ZWILCH: variants seen among roughly 807,000 people sequenced by gnomAD.
The protein encoded by ZWILCH is zwilch kinetochore protein.
ZWILCH carries 74 observed loss-of-function variants against 79.9 expected under a neutral mutation model. The ratio of observed to expected loss-of-function variants is 0.93; its 90% confidence interval spans 0.77 to 1.12. The LOEUF is 1.12. ZWILCH is among the 50% of genes most tolerant of loss of function. The probability of loss-of-function intolerance (pLI) is 0.00; values close to 1 mark genes in which losing one functional copy is unlikely to be tolerated. For synonymous variants in ZWILCH, 241 were observed against 228.2 expected, an observed-to-expected ratio of 1.06 and a Z score of -0.51; for missense variants, 694 against 687.5, an observed-to-expected ratio of 1.01 and a Z score of -0.11.
chr15:66,519,049 G>A lies in ZWILCH; in HGVS notation c.491G>A (p.Gly164Glu). The A allele has an allele frequency of 6.2e-7, 1 of 1,614,196 alleles. No individual in the cohort carries two copies. Among genetic ancestry groups the A allele is most frequent in the Non-Finnish European group, 8.5e-7 (1 of 1,180,042 alleles). Residue 164 changes from glycine (G) to glutamate (E), a missense_variant, in exon 5 of 19, where the codon GGA becomes GAA. Gly to Glu is a moderately conservative substitution (Grantham distance 98). Coordinates refer to ENST00000307897, the MANE Select transcript of ZWILCH (RefSeq NM_017975.5). ...ELITTNNSIT[G>E]IVLYVVSCKA... ...ATCACAACAAACAACAGCATTACAGGAATTGTCTTATATGTGGTCAGTTGT... is the reference window on the plus strand; with the variant it reads ...ATCACAACAAACAACAGCATTACAGAAATTGTCTTATATGTGGTCAGTTGT...
chr15:66,527,717 C>A, intron 9 of ZWILCH, 140 bp from the exon 10 acceptor site: 1 of 736,850 alleles, frequency 1.4e-6, no homozygotes, highest in Non-Finnish European at 2.2e-6. Context: ...CTATTATAAT[C>A]TCCACCAGAG....
At chr15:66,524,451 A>C (rs1894606146) in intron 8 of ZWILCH, 1 of 152,150 alleles carries the variant, frequency 6.6e-6, no homozygotes, top group Non-Finnish European at 1.5e-5. Flanking sequence ...AACCCTCATC[A>C]TACCAAGCTC....
At position 66,546,500 on chromosome 15, in the gene ZWILCH, T is replaced by G. The variant is rs978472103; in HGVS notation, c.1688-91T>G. The G allele has an allele frequency of 4.3e-5, 30 of 696,312 alleles. 1 individual carries two copies. The South Asian group carries it at 8.2e-4, about 19-fold the overall frequency. 43.1% of individuals were successfully genotyped at this position (696,312 alleles called of 1,614,324 possible). A position where few individuals can be genotyped will look rare whatever the true frequency, so the allele number is the denominator to read the frequency against. On this transcript the variant is annotated intron_variant, in intron 17 of 18. Transcript: ENST00000307897. ...ACACATTGCCATTTAGACCACCTCT[T>G]AGTTATTGTATTGGTGTAAAATTCA...
intron 3 of ZWILCH, 80 bp from the exon 4 acceptor site, chr15:66,515,446 T>A: frequency 1.2e-6 from 1 of 865,870 alleles, no homozygotes. Context: ...TACTTGTCAT[T>A]ATTCTGTAGC....
intron 8 of ZWILCH, among the ~76,000 whole-genome samples, chr15:66,525,491 C>T (rs775780736): frequency 1.7e-4 from 26 of 152,222 alleles, no homozygotes; most frequent in Middle Eastern, 6.8e-3. Context: ...CATACATATA[C>T]AATTCTTTTC....
At chr15:66,517,430 G>GTGTGTGTGTGTGTATATATATATA in intron 4 of ZWILCH, among the ~76,000 whole-genome samples, 4 of 66,518 alleles carry the variant, frequency 6.0e-5, no homozygotes, top group Non-Finnish European at 8.8e-5. Context: ...GTGTGTGTGT[G>GTGTGTGTGTGTGTATATATATATA]TATATATATA....
intron 16 of ZWILCH, among the ~76,000 whole-genome samples, chr15:66,537,583 C>G (rs934928927): frequency 3.3e-5 from 5 of 151,780 alleles, no homozygotes; most frequent in African/African-American, 1.2e-4. Flanking sequence ...CCCAGCTACT[C>G]GGGAGGCTGA....
chr15:66,523,921 C>T (rs1014367971), intron 8 of ZWILCH, among the ~76,000 whole-genome samples, 173 bp downstream of exon 8: 2 of 152,198 alleles, frequency 1.3e-5, no homozygotes, highest in African/African-American at 4.8e-5. Context: ...GTTGTCCTTA[C>T]AATTAACGGG....
chr15:66,550,123 A>G lies in ZWILCH; in HGVS notation c.*1799A>G, dbSNP rs1895542350. The G allele has an allele frequency of 6.5e-7, 1 of 1,546,384 alleles. No homozygotes were observed. Among genetic ancestry groups the G allele is most frequent in the East Asian group, 2.3e-5 (1 of 44,008 alleles). ...TTTCCACCTAATAAAAACCCACTTG[A>G]TAAGTAATGTTGTCTTAGACTAATT... is the stretch of plus-strand genomic sequence containing the variant. On this transcript the variant is annotated 3_prime_UTR_variant, in exon 19 of 19. Transcript: ENST00000307897.
intron 13 of ZWILCH, among the ~76,000 whole-genome samples, chr15:66,532,705 C>T (rs1451200934): frequency 6.6e-6 from 1 of 151,314 alleles, no homozygotes; most frequent in Non-Finnish European, 1.5e-5. Flanking sequence ...GTTTTAATAC[C>T]CTACACTTGG....
At chr15:66,533,120 A>C (rs1342117577) in intron 14 of ZWILCH, 107 bp downstream of exon 14, 1 of 677,164 alleles carries the variant, frequency 1.5e-6, no homozygotes, top group African/African-American at 1.9e-5. Flanking sequence ...GGTCCTGGGA[A>C]ATGGATAAAT....
chr15:66,509,287 A>C (rs1893940613), intron 2 of ZWILCH, among the ~76,000 whole-genome samples: 1 of 152,188 alleles, frequency 6.6e-6, no homozygotes, highest in Non-Finnish European at 1.5e-5. Flanking sequence ...AAGATATAGA[A>C]TATTTCTATC....
At chr15:66,529,724 C>A in intron 12 of ZWILCH, 151 bp downstream of exon 12, 1 of 595,650 alleles carries the variant, frequency 1.7e-6, no homozygotes, top group Non-Finnish European at 3.0e-6. Context: ...TTTTCTTGTG[C>A]CCCAACATCC....
At chr15:66,509,824 TA>T (rs1893973697) in intron 2 of ZWILCH, among the ~76,000 whole-genome samples, 2 of 1,154 alleles carry the variant, frequency 1.7e-3, no homozygotes, top group East Asian at 0.14. Flanking sequence ...TGTGGCTACA[TA>T]TATATATATA....
Position 66,533,838 on chromosome 15 carries a change from C to T in ZWILCH, c.1341+825C>T, listed in dbSNP as rs748896580. Among the ~76,000 whole-genome samples the T allele has an allele frequency of 1.1e-4, 16 of 151,864 alleles. No individual in the cohort carries two copies. In the South Asian group the frequency reaches 2.5e-3, roughly 24 times the overall value. ...AGATTGAAAATGTTTAAAAAAAATA[C>T]GCTGGGCACAGTGGCTCCCTCCTGT... On this transcript the variant is annotated intron_variant, in intron 14 of 18. Coordinates refer to ENST00000307897, the MANE Select transcript of ZWILCH (RefSeq NM_017975.5).
At chr15:66,530,067 G>C (rs1213302388) in intron 12 of ZWILCH, among the ~76,000 whole-genome samples, 2 of 152,100 alleles carry the variant, frequency 1.3e-5, no homozygotes, top group Non-Finnish European at 2.9e-5. Context: ...TATCAGAATA[G>C]TCATCTCAGC....
At chr15:66,516,247 T>C (rs2140752793) in intron 4 of ZWILCH, among the ~76,000 whole-genome samples, 1 of 152,324 alleles carries the variant, frequency 6.6e-6, no homozygotes. Context: ...GTGCCAGTAG[T>C]GCCCCTGTTA....
At chr15:66,511,093 T>C (rs1021464033) in intron 2 of ZWILCH, among the ~76,000 whole-genome samples, 3 of 152,198 alleles carry the variant, frequency 2.0e-5, no homozygotes, top group Non-Finnish European at 4.4e-5. Context: ...TATCCTTGGC[T>C]CTCTGTGCTT....
intron 1 of ZWILCH, chr15:66,505,726 CCT>C (rs1305552774): frequency 8.7e-5 from 32 of 368,474 alleles, no homozygotes; most frequent in Admixed American, 3.0e-4. Flanking sequence ...GCATCCTTCC[CCT>C]GTTTAAAGCC....
Sources: allele counts gnomAD v4.1 joint callset (sites outside exome capture counted in the v4.1 genomes callset), GRCh38; gene constraint gnomAD v4.1.1; transcripts MANE v1.5; gene names NCBI Gene and HGNC (gene_info 2026-07-23, HGNC 2026-07-21).